Variants in MAPT observed in about 807,000 individuals in gnomAD.
MAPT encodes the protein microtubule-associated protein tau.
MAPT carries 34 observed loss-of-function variants against 67.9 expected under a neutral mutation model. The observed-to-expected ratio is 0.50, with a 90% CI of 0.38 to 0.67. MAPT has a LOEUF of 0.67. Among genes scored for constraint, MAPT ranks in the 30% least tolerant of loss-of-function variants. The pLI is 0.00. For synonymous variants in MAPT, 456 were observed against 464.5 expected, an observed-to-expected ratio of 0.98 and a Z score of 0.23; for missense variants, 881 against 1,115.2, an observed-to-expected ratio of 0.79 and a Z score of 2.99.
chr17:45,968,285 A>G (rs1347535770), intron 2 of MAPT, among the ~76,000 whole-genome samples: 3 of 152,164 alleles, frequency 2.0e-5, no homozygotes, highest in African/African-American at 7.2e-5. Flanking sequence ...CCCCTGGAAA[A>G]GGAGGAAGGG....
chr17:45,907,769 T>C lies in MAPT; in HGVS notation c.-18+13083T>C, dbSNP rs1435398368. 1.2e-4 allele frequency: 18 copies of C among 152,266 alleles called. 1 individual carries two copies. Among genetic ancestry groups the C allele is most frequent in the Admixed American group, 1.2e-3 (18 of 15,280 alleles). The allele number at this position is 152,266 out of a possible 1,614,324, so 9.4% of individuals were successfully genotyped here. A position where few individuals can be genotyped will look rare whatever the true frequency, so the allele number is the denominator to read the frequency against. ...CCAAATGAGTTTTGCTATACGAAGA[T>C]GCTGATAATAATAGCAGCAGTGGAT... On this transcript the variant is annotated intron_variant, in intron 1 of 12. Coordinates refer to ENST00000262410, the MANE Select transcript of MAPT (RefSeq NM_001377265.1).
In MAPT at chr17:46,024,224, G is replaced by A; in HGVS notation, c.*53G>A. On this transcript the variant is annotated 3_prime_UTR_variant, in exon 13 of 13. Coordinates refer to ENST00000262410, the MANE Select transcript of MAPT (RefSeq NM_001377265.1). ...TGGAGAGGAGAGAATGAGAGAGTGT[G>A]GAAAAAAAAAGAATAATGACCCGGC... 1 of 1,534,214 alleles carries A rather than the reference G, an allele frequency of 6.5e-7. No individual in the cohort carries two copies. The highest frequency in any genetic ancestry group is 2.3e-5 in the East Asian group (1 of 44,384).
At chr17:45,978,260 A>T in intron 3 of MAPT, 115 bp from the exon 4 acceptor site, 1 of 832,698 alleles carries the variant, frequency 1.2e-6, no homozygotes, top group Non-Finnish European at 2.1e-6. Context: ...TATTCTTGGG[A>T]TGTGACTTTC....
chr17:45,977,745 A>C (rs2072524050), intron 3 of MAPT: 1 of 153,148 alleles, frequency 6.5e-6, no homozygotes, highest in Non-Finnish European at 1.5e-5. Flanking sequence ...TGCGAAAGGC[A>C]TTTGCCCAGA....
chr17:45,991,945 C>T (rs946123462), intron 8 of MAPT, among the ~76,000 whole-genome samples: 32 of 151,982 alleles, frequency 2.1e-4, no homozygotes, highest in Non-Finnish European at 4.0e-4. Flanking sequence ...CCACTATGCC[C>T]GGCTAATTTT....
intron 1 of MAPT, among the ~76,000 whole-genome samples, chr17:45,909,321 T>C (rs1407255761): frequency 1.3e-5 from 2 of 152,144 alleles, no homozygotes; most frequent in Non-Finnish European, 2.9e-5. Context: ...CACCTTCCAG[T>C]GGGATAAGCC....
At chr17:45,901,287 G>A (rs1440933424) in intron 1 of MAPT, among the ~76,000 whole-genome samples, 1 of 152,210 alleles carries the variant, frequency 6.6e-6, no homozygotes, top group Non-Finnish European at 1.5e-5. Flanking sequence ...GCCATCCCGG[G>A]CAGGGTGACC....
In MAPT at chr17:46,010,334, G is replaced by C; in HGVS notation, c.2023G>C (p.Asp675His). The change falls in exon 10 of 13, where the codon GAT becomes CAT. Residue 675 changes from aspartate to histidine, a missense_variant. By Grantham distance (81) the Asp-to-His change is moderately conservative. Around this residue, in one of 6 missense-constraint regions of MAPT, gnomAD observed 34 missense variants for 51.2 expected, o/e 0.66. Transcript: ENST00000262410. This position sits in a 1 kb window ranked among gnomAD's most constrained non-coding sequence, Gnocchi z 4.7. ...GKVQIINKKL[D>H]LSNVQSKCGS... ...GGTGCAGATAATTAATAAGAAGCTGGATCTTAGCAACGTCCAGTCCAAGTG... is the reference window on the plus strand; with the variant it reads ...GGTGCAGATAATTAATAAGAAGCTGCATCTTAGCAACGTCCAGTCCAAGTG... 6.3e-7 allele frequency: 1 copy of C among 1,579,080 alleles called. No individual in the cohort carries two copies. The highest frequency in any genetic ancestry group is 8.6e-7 in the Non-Finnish European group (1 of 1,161,508).
intron 1 of MAPT, among the ~76,000 whole-genome samples, chr17:45,943,501 T>G (rs1020045382): frequency 2.0e-5 from 3 of 152,160 alleles, no homozygotes; most frequent in African/African-American, 7.2e-5. Context: ...ACTTTCAGAG[T>G]GTGACCTCAG....
At chr17:45,999,969 C>T (rs912415477) in intron 9 of MAPT, among the ~76,000 whole-genome samples, 1 of 152,124 alleles carries the variant, frequency 6.6e-6, no homozygotes. Flanking sequence ...TAAAATGACC[C>T]GCTGAAGGGT....
intron 1 of MAPT, among the ~76,000 whole-genome samples, chr17:45,904,998 C>A (rs568737827): frequency 6.6e-6 from 1 of 152,154 alleles, no homozygotes; most frequent in Non-Finnish European, 1.5e-5. Flanking sequence ...CAGGAATAGC[C>A]ATTTGGAAGA....
intron 1 of MAPT, among the ~76,000 whole-genome samples, chr17:45,926,994 CAT>C (rs1301937725): frequency 6.7e-6 from 1 of 149,316 alleles, no homozygotes; most frequent in Non-Finnish European, 1.5e-5. Context: ...TATACACACA[CAT>C]ACACATATAT....
At chr17:45,985,670 G>A (rs2073466618) in intron 5 of MAPT, 1 of 985,262 alleles carries the variant, frequency 1.0e-6, no homozygotes, top group Admixed American at 6.1e-5. Flanking sequence ...GAGGAAGTTT[G>A]GGAAATGCCG....
intron 11 of MAPT, among the ~76,000 whole-genome samples, chr17:46,018,371 C>T (rs994316123): frequency 6.6e-6 from 1 of 152,182 alleles, no homozygotes; most frequent in Admixed American, 6.5e-5. Flanking sequence ...AGGAGTCTTA[C>T]CTACTTCTAA....
rs777923677 is a variant in MAPT at position 45,983,395 on chromosome 17, C to G, written c.816C>G (p.His272Gln). 5.0e-6 allele frequency: 8 copies of G among 1,607,168 alleles called. No homozygotes were observed. In the South Asian group the frequency reaches 7.7e-5, roughly 16 times the overall value. The change falls in exon 5 of 13, where the codon CAC becomes CAG. Residue 272 changes from histidine (H) to glutamine (Q), a missense_variant. By Grantham distance (24) the His-to-Gln change is conservative (BLOSUM62 0). Coordinates refer to ENST00000262410, the MANE Select transcript of MAPT (RefSeq NM_001377265.1). ...LLKHQLLGDLHQEGPPLKGAG... is the reference protein window; with the variant it reads ...LLKHQLLGDLQQEGPPLKGAG... ...AGCACCAGCTTCTAGGAGACCTGCA[C>G]CAGGAGGGGCCGCCGCTGAAGGGGG...
rs113635703 is a variant in MAPT, at chr17:45,995,563, T to C, written c.1733-836T>C. ...GGGAAGTGCAGTAACAGAAGCAAGT[T>C]TGAGGGTAAAGGACACCCAGAGGAG... is the stretch of plus-strand genomic sequence containing the variant. On this transcript the variant is annotated intron_variant, in intron 8 of 12. Transcript: ENST00000262410. This position sits in a 1 kb window ranked among gnomAD's most constrained non-coding sequence, Gnocchi z 4.3. Among the ~76,000 whole-genome samples the C allele has an allele frequency of 3.9e-5, 6 of 152,058 alleles. No individual in the cohort carries two copies. The highest frequency in any genetic ancestry group is 1.4e-4 in the African/African-American group (6 of 41,452).
At chr17:45,964,856 C>T (rs1275745028) in intron 2 of MAPT, among the ~76,000 whole-genome samples, 5 of 152,110 alleles carry the variant, frequency 3.3e-5, no homozygotes, top group Non-Finnish European at 7.4e-5. Context: ...CTCCATCCCA[C>T]AACACTGCCT....
Position 45,989,916 on chromosome 17 carries a change from G to A in MAPT, c.1446G>A (p.Arg482=). 1 of 1,614,022 alleles carries A rather than the reference G, an allele frequency of 6.2e-7. No individual in the cohort carries two copies. Reference sequence around the variant, plus strand: ...CCTCTGCTAAAACCTTGAAAAATAGGCCTTGCCTTAGCCCCAAACACCCCA... The same window carrying A: ...CCTCTGCTAAAACCTTGAAAAATAGACCTTGCCTTAGCCCCAAACACCCCA... ...TRSSAKTLKN[R]PCLSPKHPTP... The change falls in exon 7 of 13, where the codon AGG becomes AGA. Residue 482 remains arginine (R), a synonymous_variant. Transcript: ENST00000262410.
Position 45,996,370 on chromosome 17 carries a change from C to G in MAPT, c.1733-29C>G. 2 of 1,608,020 alleles carry G rather than the reference C, an allele frequency of 1.2e-6. No homozygotes were observed. The highest frequency in any genetic ancestry group is 1.7e-6 in the Non-Finnish European group (2 of 1,179,924). On this transcript the variant is annotated intron_variant, in intron 8 of 12. Transcript: ENST00000262410. This position sits in a 1 kb window ranked among gnomAD's most constrained non-coding sequence, Gnocchi z 4.5. The stretch of plus-strand genomic sequence containing the variant: ...TTTTCTGACCCCACCCACTCGAGTC[C>G]TGGCTTCACTCCCTTCCTTCCTTCC...
Sources: gnomAD v4.1 joint callset for allele counts (sites outside exome capture counted in the v4.1 genomes callset) on GRCh38, gnomAD v4.1.1 for gene constraint, gnomAD v4.1.1 regional missense constraint, Gnocchi (gnomAD v3.1) non-coding constraint, MANE v1.5 for transcripts, NCBI Gene and HGNC (gene_info 2026-07-23, HGNC 2026-07-21) for gene names.